Variants in EIF4E3 observed in about 807,000 individuals in gnomAD.
EIF4E3 encodes eukaryotic translation initiation factor 4E family member 3, also known as eukaryotic translation initiation factor 4E type 3.
In EIF4E3, 26 loss-of-function variants were observed where a neutral mutation model predicts 31.7. That is an observed-to-expected ratio of 0.82 (90% CI 0.60 to 1.14). The LOEUF is 1.14. EIF4E3 is among the 50% of genes most tolerant of loss of function. The probability of loss-of-function intolerance (pLI) is 0.00; values close to 1 mark genes in which losing one functional copy is unlikely to be tolerated. For missense variants in EIF4E3, 304 were observed against 270.9 expected, an observed-to-expected ratio of 1.12 and a Z score of -0.86; for synonymous variants, 128 against 107.7, an observed-to-expected ratio of 1.19 and a Z score of -1.17.
the EIF4E3 span, among the ~76,000 whole-genome samples, chr3:71,663,778 A>G: frequency 2.1e-3 from 323 of 152,276 alleles, 6 homozygotes; most frequent in East Asian, 0.053. Context: ...AACACTTACT[A>G]TGACCCAGCC....
At chr3:71,751,084 T>G (rs966748434) in intron 1 of EIF4E3, among the ~76,000 whole-genome samples, 1 of 151,990 alleles carries the variant, frequency 6.6e-6, no homozygotes, top group Non-Finnish European at 1.5e-5. Context: ...TTTTTAAAAA[T>G]TAGCGGGGCA....
At chr3:71,754,069 C>G, upstream of EIF4E3, 1 of 1,299,678 alleles carries the variant, frequency 7.7e-7, no homozygotes, top group Non-Finnish European at 9.9e-7. This position sits in a 1 kb window ranked among gnomAD's most constrained non-coding sequence, Gnocchi z 5.8. Flanking sequence ...GCGAGCGAGC[C>G]GGGTGGCAGC....
downstream of EIF4E3, among the ~76,000 whole-genome samples, chr3:71,671,222 A>G (rs2048845714): frequency 6.6e-6 from 1 of 152,156 alleles, no homozygotes; most frequent in South Asian, 2.1e-4. Flanking sequence ...GTTGCAGGAA[A>G]GGAAGCTCTT....
In EIF4E3 at chr3:71,681,692, C is replaced by T. The variant is rs1193797907; in HGVS notation, c.*2990G>A. The T allele has an allele frequency of 3.3e-5, 5 of 152,310 alleles. No homozygotes were observed. Among genetic ancestry groups the T allele is most frequent in the African/African-American group, 1.2e-4 (5 of 41,570 alleles). 9.4% of individuals were successfully genotyped at this position (152,310 alleles called of 1,614,324 possible). ...CCAGCTCTGTGGCTGGCTAGCCCTA[C>T]GTCTTTAACAAGGGACAAGTTCGGC... On this transcript the variant is annotated 3_prime_UTR_variant, in exon 7 of 7. Transcript: ENST00000425534.
intron 1 of EIF4E3, among the ~76,000 whole-genome samples, chr3:71,734,040 A>G (rs1446534296): frequency 1.3e-5 from 2 of 152,228 alleles, no homozygotes; most frequent in African/African-American, 2.4e-5. Flanking sequence ...CATACTCACA[A>G]TACAGAAAGA....
intron 2 of EIF4E3, among the ~76,000 whole-genome samples, chr3:71,705,237 C>G (rs1265162204): frequency 1.3e-5 from 2 of 152,114 alleles, no homozygotes; most frequent in Non-Finnish European, 2.9e-5. Flanking sequence ...ATGATCAATA[C>G]TGACCTAGAA....
At chr3:71,667,173 T>C in the EIF4E3 span, among the ~76,000 whole-genome samples, 6 of 152,154 alleles carry the variant, frequency 3.9e-5, no homozygotes, top group African/African-American at 1.4e-4. Context: ...TCTCAATAGA[T>C]GTAGAAAAGG....
chr3:71,668,335 T>C, the EIF4E3 span, among the ~76,000 whole-genome samples: 4 of 152,100 alleles, frequency 2.6e-5, no homozygotes, highest in East Asian at 1.9e-4. Context: ...ATTAAGGACA[T>C]AGGCATGGGC....
At chr3:71,745,152 T>C (rs1465516859) in intron 1 of EIF4E3, among the ~76,000 whole-genome samples, 1 of 152,252 alleles carries the variant, frequency 6.6e-6, no homozygotes, top group Non-Finnish European at 1.5e-5. Flanking sequence ...GATTTATTTT[T>C]ACAGATGCTC....
At chr3:71,692,789 C>A (rs917743320) in intron 5 of EIF4E3, among the ~76,000 whole-genome samples, 3 of 151,878 alleles carry the variant, frequency 2.0e-5, no homozygotes, top group African/African-American at 7.3e-5. Context: ...AGACAAGGGT[C>A]TCTCTATGTT....
chr3:71,700,341 T>C (rs2049198159), intron 2 of EIF4E3, among the ~76,000 whole-genome samples: 1 of 152,224 alleles, frequency 6.6e-6, no homozygotes, highest in Admixed American at 6.5e-5. Flanking sequence ...TTCTGGCAGC[T>C]AGGTAGTATC....
Position 71,733,640 on chromosome 3 carries a change from T to C in EIF4E3, c.-290-5017A>G, listed in dbSNP as rs574741226. Reference sequence around the variant, plus strand: ...TTCCTGAGGGGTGGGGAGCTCACCTTTGAGGTCCTCAGAGACTATTATAAA... The same window carrying C: ...TTCCTGAGGGGTGGGGAGCTCACCTCTGAGGTCCTCAGAGACTATTATAAA... On this transcript the variant is annotated intron_variant, in intron 1 of 7. Coordinates refer to the EIF4E3 transcript ENST00000295612. Among the ~76,000 whole-genome samples the C allele has an allele frequency of 5.9e-5, 9 of 152,304 alleles. No homozygotes were observed. The East Asian group carries it at 1.7e-3, about 29-fold the overall frequency.
the EIF4E3 span, among the ~76,000 whole-genome samples, chr3:71,668,115 C>T: frequency 9.2e-5 from 14 of 152,288 alleles, no homozygotes; most frequent in African/African-American, 3.4e-4. Flanking sequence ...CTATAGCTAT[C>T]TGATCTTTGA....
intron 5 of EIF4E3, among the ~76,000 whole-genome samples, chr3:71,692,402 T>C (rs2049075035): frequency 6.6e-6 from 1 of 152,224 alleles, no homozygotes; most frequent in African/African-American, 2.4e-5. Context: ...TGGCTATTTA[T>C]TACCACTTAG....
upstream of EIF4E3, among the ~76,000 whole-genome samples, chr3:71,726,465 C>T (rs2049640535): frequency 6.6e-6 from 1 of 152,238 alleles, no homozygotes; most frequent in Non-Finnish European, 1.5e-5. Flanking sequence ...TGTGAACACA[C>T]ATGTCACAAC....
At position 71,692,890 on chromosome 3, in the gene EIF4E3, C is replaced by T. The variant is rs143560899; in HGVS notation, c.472+985G>A. ...GATTACAGTCATGGGCCACCACGCC[C>T]AGCGCAGGTTTTATCTTAACTGAAT... On this transcript the variant is annotated intron_variant, in intron 5 of 6. Coordinates refer to ENST00000425534, the MANE Select transcript of EIF4E3 (RefSeq NM_001134651.2). Among the ~76,000 whole-genome samples, 19 of 152,262 alleles carry T rather than the reference C, an allele frequency of 1.2e-4. No homozygotes were observed. In the East Asian group the frequency reaches 3.7e-3, roughly 29 times the overall value.
At chr3:71,690,229 A>G in intron 5 of EIF4E3, 64 bp from the exon 6 acceptor site, 1 of 1,479,480 alleles carries the variant, frequency 6.8e-7, no homozygotes, top group Non-Finnish European at 9.0e-7. Flanking sequence ...ACTGTTTCTA[A>G]GAACTTAGTC....
At chr3:71,709,453 C>T (rs773715036) in intron 2 of EIF4E3, among the ~76,000 whole-genome samples, 7 of 152,146 alleles carry the variant, frequency 4.6e-5, no homozygotes, top group Non-Finnish European at 1.0e-4. Flanking sequence ...GAACACAGCT[C>T]ACTGCAGTGT....
chr3:71,699,209 A>C (rs1006634263), intron 3 of EIF4E3, among the ~76,000 whole-genome samples: 12 of 152,294 alleles, frequency 7.9e-5, no homozygotes, highest in Middle Eastern at 6.8e-3. Flanking sequence ...CCTTGGTGAC[A>C]GAGTGAGACC....
Sources: allele counts gnomAD v4.1 joint callset (sites outside exome capture counted in the v4.1 genomes callset), GRCh38; gene constraint gnomAD v4.1.1; non-coding constraint Gnocchi (gnomAD v3.1); transcripts MANE v1.5; gene names NCBI Gene and HGNC (gene_info 2026-07-23, HGNC 2026-07-21).